FMN1: variants seen among roughly 807,000 people sequenced by gnomAD.
FMN1 encodes formin 1.
In FMN1, 110 loss-of-function variants were observed where a neutral mutation model predicts 132.4. The observed-to-expected ratio is 0.83, with a 90% CI of 0.71 to 0.97. The LOEUF is 0.97. FMN1 is among the 50% of genes least tolerant of loss of function. The probability of loss-of-function intolerance (pLI) is 0.00; values close to 1 mark genes in which losing one functional copy is unlikely to be tolerated. For missense variants in FMN1, 1,792 were observed against 1,705.3 expected (o/e 1.05, Z -0.90); for synonymous variants, 722 against 651.7 (o/e 1.11, Z -1.64).
chr15:32,808,076 C>T (rs1250014154), intron 17 of FMN1, among the ~76,000 whole-genome samples: 1 of 152,216 alleles, frequency 6.6e-6, no homozygotes, highest in Non-Finnish European at 1.5e-5. Flanking sequence ...AATAAGGTCA[C>T]TGTGGGCCAA....
At chr15:32,790,000 C>A (rs1412543536) in intron 19 of FMN1, among the ~76,000 whole-genome samples, 1 of 151,222 alleles carries the variant, frequency 6.6e-6, no homozygotes, top group Non-Finnish European at 1.5e-5. Context: ...GATGAAATCA[C>A]CTAACAATGC....
chr15:32,964,291 A>T, intron 8 of FMN1, 34 bp from the exon 9 acceptor site: 1 of 1,487,968 alleles, frequency 6.7e-7, no homozygotes, highest in Non-Finnish European at 9.1e-7. Flanking sequence ...AACCATAAGA[A>T]CCAAAACAGG....
intron 17 of FMN1, among the ~76,000 whole-genome samples, chr15:32,845,574 G>A (rs2058836712): frequency 6.6e-6 from 1 of 152,144 alleles, no homozygotes; most frequent in African/African-American, 2.4e-5. Context: ...ACAACGCTGG[G>A]ATTGAGCTCA....
At chr15:33,104,149 G>C (rs759688498) in intron 4 of FMN1, among the ~76,000 whole-genome samples, 13 of 151,950 alleles carry the variant, frequency 8.6e-5, no homozygotes, top group Non-Finnish European at 1.9e-4. Context: ...TCCCTAAAAC[G>C]ACTTCACCAA....
At chr15:33,128,810 G>A (rs145446821) in intron 4 of FMN1, among the ~76,000 whole-genome samples, 21 of 152,200 alleles carry the variant, frequency 1.4e-4, no homozygotes, top group Admixed American at 6.5e-4. Context: ...TTACTGTCAC[G>A]AGCAAAATAA....
At chr15:33,179,772 A>AAT (rs1038621404) in intron 3 of FMN1, among the ~76,000 whole-genome samples, 1 of 152,338 alleles carries the variant, frequency 6.6e-6, no homozygotes, top group Non-Finnish European at 1.5e-5. Flanking sequence ...AATATTAACA[A>AAT]ATATATATGG....
intron 4 of FMN1, among the ~76,000 whole-genome samples, chr15:33,099,074 C>T (rs1245398273): frequency 6.6e-6 from 1 of 152,072 alleles, no homozygotes; most frequent in Non-Finnish European, 1.5e-5. Flanking sequence ...CAAGACCAGC[C>T]TGGGCAACAT....
chr15:32,926,512 A>G (rs1032450286), intron 9 of FMN1, among the ~76,000 whole-genome samples: 3 of 152,242 alleles, frequency 2.0e-5, no homozygotes, highest in Non-Finnish European at 4.4e-5. Context: ...CTAAATCTTT[A>G]TATGTTACTG....
intron 9 of FMN1, among the ~76,000 whole-genome samples, chr15:32,963,695 C>A (rs2030863087): frequency 6.6e-6 from 1 of 152,084 alleles, no homozygotes; most frequent in African/African-American, 2.4e-5. Context: ...TTCCATATAA[C>A]CTGTAGACTA....
rs532928094 is a variant in FMN1, at chr15:33,065,594, T to C, written c.2044-520A>G. Among the ~76,000 whole-genome samples the C allele has an allele frequency of 9.5e-4, 145 of 152,342 alleles. 1 individual carries two copies. Among genetic ancestry groups the C allele is most frequent in the African/African-American group, 3.4e-3 (140 of 41,586 alleles). On this transcript the variant is annotated intron_variant, in intron 5 of 20. Coordinates refer to ENST00000616417, the MANE Select transcript of FMN1 (RefSeq NM_001277313.2). Reference sequence around the variant, plus strand: ...TGCCTTCATATTCCAGTCATTTTTATATGTGTTGATTTTTACAACTAGGAG... The same window carrying C: ...TGCCTTCATATTCCAGTCATTTTTACATGTGTTGATTTTTACAACTAGGAG...
chr15:33,158,765 A>G (rs149222192), intron 3 of FMN1, among the ~76,000 whole-genome samples: 1 of 152,364 alleles, frequency 6.6e-6, no homozygotes, highest in East Asian at 1.9e-4. Flanking sequence ...TAAAGTAGAG[A>G]GTAGACAAGT....
intron 17 of FMN1, among the ~76,000 whole-genome samples, chr15:32,825,940 C>T (rs967365762): frequency 2.6e-5 from 4 of 152,192 alleles, no homozygotes; most frequent in Non-Finnish European, 5.9e-5. Flanking sequence ...TTAGACCTGA[C>T]ATATAAAATC....
intron 16 of FMN1, among the ~76,000 whole-genome samples, chr15:32,868,516 C>T (rs1212318431): frequency 1.3e-5 from 2 of 152,094 alleles, no homozygotes; most frequent in Non-Finnish European, 2.9e-5. Context: ...GATGATATTG[C>T]CTAACGACAC....
At chr15:33,099,772 C>G (rs186302785) in intron 4 of FMN1, among the ~76,000 whole-genome samples, 137 of 152,282 alleles carry the variant, frequency 9.0e-4, no homozygotes, top group Admixed American at 2.6e-3. Context: ...TAAAAGTCAT[C>G]TAGTTTTCTC....
intron 4 of FMN1, among the ~76,000 whole-genome samples, chr15:33,100,697 G>C (rs1272561477): frequency 2.0e-5 from 3 of 152,120 alleles, no homozygotes; most frequent in Non-Finnish European, 4.4e-5. Flanking sequence ...AAATCCACTT[G>C]TGTGAATCTA....
intron 7 of FMN1, among the ~76,000 whole-genome samples, chr15:32,986,540 AT>A (rs565246425): frequency 6.9e-4 from 105 of 152,142 alleles, no homozygotes; most frequent in Non-Finnish European, 1.2e-3. Flanking sequence ...ATCTAGGTTT[AT>A]TTTTTAATAG....
At chr15:33,074,239 C>T (rs549951383) in intron 5 of FMN1, among the ~76,000 whole-genome samples, 1 of 152,352 alleles carries the variant, frequency 6.6e-6, no homozygotes, top group South Asian at 2.1e-4. Context: ...TTTTCCACAT[C>T]TTTGAAATGG....
In FMN1 at chr15:32,769,996, T is replaced by C. The variant is rs1291946193; in HGVS notation, c.*4314A>G. 1 of 152,182 alleles carries C rather than the reference T, an allele frequency of 6.6e-6. No homozygotes were observed. Among genetic ancestry groups the C allele is most frequent in the East Asian group, 1.9e-4 (1 of 5,196 alleles). The allele number at this position is 152,182 out of a possible 1,614,324, so 9.4% of individuals were successfully genotyped here. ...GCTTGTTAGCAATTTAAAAAGACAATTTAAACTGTTTTATAAAATCAGATA... is the reference window on the plus strand; with the variant it reads ...GCTTGTTAGCAATTTAAAAAGACAACTTAAACTGTTTTATAAAATCAGATA... On this transcript the variant is annotated 3_prime_UTR_variant, in exon 21 of 21. Coordinates refer to ENST00000616417, the MANE Select transcript of FMN1 (RefSeq NM_001277313.2).
At chr15:33,079,866 A>G (rs1370138839) in intron 5 of FMN1, among the ~76,000 whole-genome samples, 1 of 152,192 alleles carries the variant, frequency 6.6e-6, no homozygotes, top group East Asian at 1.9e-4. Context: ...ACTTAAAGCG[A>G]TGAGGAATTT....
Sources: gnomAD v4.1 joint callset for allele counts (sites outside exome capture counted in the v4.1 genomes callset) on GRCh38, gnomAD v4.1.1 for gene constraint, MANE v1.5 for transcripts, NCBI Gene and HGNC (gene_info 2026-07-23, HGNC 2026-07-21) for gene names.